The following IQSEC3 variants were observed in gnomAD, a reference collection of about 807,000 sequenced individuals.
IQSEC3 encodes the protein IQ motif and Sec7 domain ArfGEF 3.
Under a neutral mutation model 105.4 loss-of-function variants are expected in IQSEC3, and 50 were observed. The ratio of observed to expected loss-of-function variants is 0.47; its 90% CI spans 0.38 to 0.60. The LOEUF (loss-of-function observed/expected upper bound fraction) is 0.60, where lower values mean the gene tolerates loss of function less well. Among genes scored for constraint, IQSEC3 ranks in the 20% least tolerant of loss-of-function variants. The pLI is 0.00. For synonymous variants in IQSEC3, 708 were observed against 746.0 expected, an observed-to-expected ratio of 0.95 and a Z score of 0.83; for missense variants, 1,415 against 1,630.0, an observed-to-expected ratio of 0.87 and a Z score of 2.27.
chr12:166,797 A>AT (rs1483467128), intron 11 of IQSEC3: 1 of 152,160 alleles, frequency 6.6e-6, no homozygotes, highest in African/African-American at 2.4e-5. Flanking sequence ...TTGAATCATC[A>AT]TTTTTGAGGC....
At chr12:157,400 A>C in intron 6 of IQSEC3, 128 bp from the exon 7 acceptor site, 3 of 1,178,898 alleles carry the variant, frequency 2.5e-6, no homozygotes, top group Non-Finnish European at 3.5e-6. Context: ...TATGGGACAG[A>C]CACTGGTCTC....
chr12:120,949 C>T (rs1033625166), intron 2 of IQSEC3, among the ~76,000 whole-genome samples: 2 of 152,192 alleles, frequency 1.3e-5, no homozygotes, highest in Non-Finnish European at 2.9e-5. Context: ...ACCAGCATCG[C>T]TCATATACCA....
chr12:143,078 G>A (rs782702385), intron 5 of IQSEC3, among the ~76,000 whole-genome samples: 9 of 152,220 alleles, frequency 5.9e-5, no homozygotes, highest in African/African-American at 1.9e-4. Flanking sequence ...GGAACACAGC[G>A]TTTTCCTGCA....
At chr12:166,331 C>G in intron 11 of IQSEC3, 1 of 173,010 alleles carries the variant, frequency 5.8e-6, no homozygotes, top group Non-Finnish European at 1.2e-5. Flanking sequence ...AATCTTGAAT[C>G]ATCCCTCCAC....
chr12:123,553 T>C (rs538054355), intron 2 of IQSEC3, among the ~76,000 whole-genome samples: 1 of 152,130 alleles, frequency 6.6e-6, no homozygotes, highest in Non-Finnish European at 1.5e-5. Flanking sequence ...GCAATGAAGA[T>C]TTTTCACGGC....
At position 125,864 on chromosome 12, in the gene IQSEC3, C is replaced by T; in HGVS notation, c.855C>T (p.Ala285=). Reference sequence around the variant, plus strand: ...TGGCGACGGCGCTGTGCCCCCACGCCCCTGCCGCCTCCGATTACGAACTCT... The same window carrying T: ...TGGCGACGGCGCTGTGCCCCCACGCTCCTGCCGCCTCCGATTACGAACTCT... ...PALATALCPH[A]PAASDYELSL... The change falls in exon 3 of 14, where the codon GCC becomes GCT. Residue 285 remains alanine (A), a synonymous_variant. Coordinates refer to ENST00000538872, the MANE Select transcript of IQSEC3 (RefSeq NM_001170738.2). The T allele has an allele frequency of 6.5e-7, 1 of 1,533,760 alleles. No individual in the cohort carries two copies. Among genetic ancestry groups the T allele is most frequent in the Non-Finnish European group, 8.7e-7 (1 of 1,146,460 alleles).
intron 2 of IQSEC3, among the ~76,000 whole-genome samples, chr12:123,297 T>G (rs1490867421): frequency 6.6e-6 from 1 of 151,800 alleles, no homozygotes; most frequent in Non-Finnish European, 1.5e-5. Context: ...TGTAGCCCGG[T>G]GTGGTGGTGC....
chr12:122,706 C>T (rs544609850), intron 2 of IQSEC3, among the ~76,000 whole-genome samples: 13 of 152,306 alleles, frequency 8.5e-5, no homozygotes, highest in African/African-American at 3.1e-4. Flanking sequence ...GTGCAAGGGA[C>T]AGGGAAGCTG....
Position 174,581 on chromosome 12 carries a change from T to C in IQSEC3, c.3115-18T>C. 1 of 1,519,134 alleles carries C rather than the reference T, an allele frequency of 6.6e-7. No individual in the cohort carries two copies. Among genetic ancestry groups the C allele is most frequent in the Non-Finnish European group, 8.8e-7 (1 of 1,138,764 alleles). The allele number at this position is 1,519,134 out of a possible 1,614,324, so 94.1% of individuals were successfully genotyped here. Reference sequence around the variant, plus strand: ...AGTCTTGTAACATTTCATGCTTCTCTGGCTGTTTCTAAACTAGGTGTCAAT... The same window carrying C: ...AGTCTTGTAACATTTCATGCTTCTCCGGCTGTTTCTAAACTAGGTGTCAAT... On this transcript the variant is annotated intron_variant, in intron 13 of 13. Transcript: ENST00000538872.
intron 7 of IQSEC3, 117 bp downstream of exon 7, chr12:157,811 C>A: frequency 8.4e-7 from 1 of 1,189,226 alleles, no homozygotes; most frequent in Non-Finnish European, 1.2e-6. Flanking sequence ...CTGTCTGGGC[C>A]TGGTCACCCA....
chr12:114,062 G>A (rs951226660), intron 2 of IQSEC3, among the ~76,000 whole-genome samples: 1 of 152,214 alleles, frequency 6.6e-6, no homozygotes, highest in African/African-American at 2.4e-5. Context: ...TGTAAAAGGA[G>A]CATAGCACTT....
At chr12:131,902 A>T (rs1865613972) in intron 3 of IQSEC3, among the ~76,000 whole-genome samples, 1 of 152,214 alleles carries the variant, frequency 6.6e-6, no homozygotes, top group African/African-American at 2.4e-5. Flanking sequence ...AGTGTTATTC[A>T]GGGAGCAGTT....
In IQSEC3 at chr12:174,589, T is replaced by G; in HGVS notation, c.3115-10T>G. 6.6e-7 allele frequency: 1 copy of G among 1,523,502 alleles called. No homozygotes were observed. The highest frequency in any genetic ancestry group is 8.8e-7 in the Non-Finnish European group (1 of 1,140,622). 94.4% of individuals were successfully genotyped at this position (1,523,502 alleles called of 1,614,324 possible). On this transcript the variant is annotated splice_polypyrimidine_tract_variant and intron_variant, in intron 13 of 13. Transcript: ENST00000538872. ...AACATTTCATGCTTCTCTGGCTGTT[T>G]CTAAACTAGGTGTCAATTCACAACA...
At chr12:79,842 A>G (rs1010936811) in intron 1 of IQSEC3, among the ~76,000 whole-genome samples, 16 of 152,224 alleles carry the variant, frequency 1.1e-4, no homozygotes, top group African/African-American at 3.9e-4. Context: ...AGCAACCACT[A>G]TTATTTCTCA....
intron 2 of IQSEC3, among the ~76,000 whole-genome samples, chr12:121,802 C>T (rs1413194446): frequency 6.6e-6 from 1 of 152,196 alleles, no homozygotes; most frequent in Non-Finnish European, 1.5e-5. Context: ...GCCGCCATCG[C>T]CGTCACCCTG....
rs2136968228 is a variant in IQSEC3 at position 125,644 on chromosome 12, G to A, written c.635G>A (p.Cys212Tyr). 1 of 1,518,436 alleles carries A rather than the reference G, an allele frequency of 6.6e-7. No homozygotes were observed. The allele number at this position is 1,518,436 out of a possible 1,614,324, so 94.1% of individuals were successfully genotyped here. The change falls in exon 3 of 14, where the codon TGC (cysteine) becomes TAC (tyrosine). Residue 212 changes from cysteine to tyrosine, a missense_variant. Coordinates refer to ENST00000538872, the MANE Select transcript of IQSEC3 (RefSeq NM_001170738.2). ...CCTTCTGTTCACAGTGATGGCTCCT[G>A]CACCCAGGCCGGTGGGGGCATGGAG... ...SDLASQSDGS[C>Y]TQAGGGMEDS...
At chr12:93,883 T>G (rs782117571) in intron 1 of IQSEC3, among the ~76,000 whole-genome samples, 2 of 152,146 alleles carry the variant, frequency 1.3e-5, no homozygotes, top group African/African-American at 2.4e-5. Context: ...TCTCTTTTGC[T>G]TCTTCTCTTG....
intron 2 of IQSEC3, among the ~76,000 whole-genome samples, chr12:119,549 C>T (rs1442919701): frequency 6.6e-6 from 1 of 152,126 alleles, no homozygotes; most frequent in Non-Finnish European, 1.5e-5. Context: ...GGCTGAGGCT[C>T]CCAGGGGGAT....
intron 5 of IQSEC3, among the ~76,000 whole-genome samples, chr12:156,144 A>T (rs60913119): frequency 0.067 from 10,112 of 151,836 alleles, 560 homozygotes; most frequent in African/African-American, 0.15. Context: ...GCTGGGGGGA[A>T]CTGGCATGTG....
Sources: allele counts gnomAD v4.1 joint callset (sites outside exome capture counted in the v4.1 genomes callset), GRCh38; gene constraint gnomAD v4.1.1; transcripts MANE v1.5; gene names NCBI Gene and HGNC (gene_info 2026-07-23, HGNC 2026-07-21).